The following USH2A variants were observed in gnomAD, a reference collection of about 807,000 sequenced individuals.
USH2A encodes usherin, also known as Usher syndrome 2A (autosomal recessive, mild).
USH2A carries 443 observed loss-of-function variants against 538.9 expected under a neutral mutation model. The ratio of observed to expected loss-of-function variants is 0.82; its 90% CI spans 0.76 to 0.89. USH2A has a LOEUF of 0.89. USH2A is among the 40% of genes least tolerant of loss of function. USH2A has a pLI of 0.00. For missense variants in USH2A, 6,633 were observed against 6,324.8 expected (o/e 1.05, Z -1.65); for synonymous variants, 2,413 against 2,273.5 (o/e 1.06, Z -1.75).
intron 61 of USH2A, among the ~76,000 whole-genome samples, chr1:215,692,794 AGTGAAG>A: frequency 6.6e-6 from 1 of 152,250 alleles, no homozygotes; most frequent in South Asian, 2.1e-4. Flanking sequence ...GGACCTTCTA[AGTGAAG>A]GGTGCAGCAA....
chr1:215,913,803 G>T (rs865810793), intron 38 of USH2A, among the ~76,000 whole-genome samples: 3 of 151,730 alleles, frequency 2.0e-5, no homozygotes, highest in Non-Finnish European at 2.9e-5. Flanking sequence ...AGTATTTCTG[G>T]CTACTTGATT....
chr1:216,370,600 C>G lies in USH2A; in HGVS notation c.652-5515G>C, dbSNP rs1291966677. ...GAGGCTGAAGCAGAGAGTTGCTAAA[C>G]CCGGGAGGCGGAGGTTGTGGTGAGC... On this transcript the variant is annotated intron_variant, in intron 3 of 71. Coordinates refer to ENST00000307340, the MANE Select transcript of USH2A (RefSeq NM_206933.4). Among the ~76,000 whole-genome samples the G allele has an allele frequency of 3.7e-5, 5 of 133,674 alleles. No individual in the cohort carries two copies. The South Asian group carries it at 7.6e-4, about 20-fold the overall frequency. 87.7% of individuals were successfully genotyped at this position (133,674 alleles called of 152,430 possible). A position where few individuals can be genotyped will look rare whatever the true frequency, so the allele number is the denominator to read the frequency against.
intron 37 of USH2A, among the ~76,000 whole-genome samples, chr1:215,946,432 G>A (rs1666758392): frequency 6.6e-6 from 1 of 152,120 alleles, no homozygotes; most frequent in Non-Finnish European, 1.5e-5. Context: ...TTTGCCTTAA[G>A]AAAATTGGAG....
At chr1:215,937,571 G>T (rs754373786) in intron 37 of USH2A, among the ~76,000 whole-genome samples, 2 of 152,024 alleles carry the variant, frequency 1.3e-5, no homozygotes, top group Non-Finnish European at 2.9e-5. Context: ...CAATTACATG[G>T]TCAGCATGGG....
At chr1:215,662,761 G>A (rs1657482953) in intron 64 of USH2A, among the ~76,000 whole-genome samples, 1 of 152,184 alleles carries the variant, frequency 6.6e-6, no homozygotes, top group Admixed American at 6.5e-5. Context: ...GGGAGTTGGG[G>A]TGGGTGTGGG....
At chr1:216,062,447 T>C (rs2031216807) in intron 30 of USH2A, among the ~76,000 whole-genome samples, 1 of 152,060 alleles carries the variant, frequency 6.6e-6, no homozygotes, top group Non-Finnish European at 1.5e-5. Flanking sequence ...AAAATGGAAA[T>C]AAAAACAATT....
At chr1:215,644,631 A>G (rs1656790014) in intron 67 of USH2A, among the ~76,000 whole-genome samples, 1 of 152,190 alleles carries the variant, frequency 6.6e-6, no homozygotes, top group South Asian at 2.1e-4. Context: ...AAAGGATTGA[A>G]CATTGAAAGT....
intron 21 of USH2A, among the ~76,000 whole-genome samples, chr1:216,124,728 C>T (rs372438518): frequency 7.5e-4 from 114 of 152,300 alleles, no homozygotes; most frequent in African/African-American, 2.4e-3. Context: ...GTAAGAAATA[C>T]ACCACATCTC....
chr1:216,154,390 G>A (rs2033899257), intron 21 of USH2A, among the ~76,000 whole-genome samples: 1 of 151,994 alleles, frequency 6.6e-6, no homozygotes, highest in African/African-American at 2.4e-5. Context: ...AAAGAGCTCA[G>A]AATTTAAATG....
At chr1:216,334,423 C>T (rs1275772981) in intron 4 of USH2A, among the ~76,000 whole-genome samples, 1 of 151,858 alleles carries the variant, frequency 6.6e-6, no homozygotes, top group Non-Finnish European at 1.5e-5. Context: ...ATTTAGAAGA[C>T]ATAAATCATA....
At chr1:215,675,683 C>T in intron 62 of USH2A, 67 bp from the exon 63 acceptor site, 1 of 1,611,272 alleles carries the variant, frequency 6.2e-7, no homozygotes, top group Non-Finnish European at 8.5e-7. Flanking sequence ...TTACTTAGCC[C>T]CTTTTTAACC....
At chr1:215,926,005 G>A (rs961290799) in intron 38 of USH2A, among the ~76,000 whole-genome samples, 2 of 152,080 alleles carry the variant, frequency 1.3e-5, no homozygotes, top group East Asian at 1.9e-4. Context: ...GTGACAGAGC[G>A]AGACTCCGTC....
At chr1:215,647,060 T>C (rs1656877950) in intron 67 of USH2A, among the ~76,000 whole-genome samples, 1 of 152,220 alleles carries the variant, frequency 6.6e-6, no homozygotes, top group Non-Finnish European at 1.5e-5. Context: ...CTGTATTATA[T>C]AAAAATGTAA....
At position 215,912,515 on chromosome 1, in the gene USH2A, G is replaced by GTATATA. The variant is rs1279309340; in HGVS notation, c.7301-11616_7301-11611dup. On this transcript the variant is annotated intron_variant, in intron 38 of 71. Transcript: ENST00000307340. ...TGTGTATATATATATATATATACGT[G>GTATATA]TATATATATATATATATATATGAAG... 6.9e-4 allele frequency among the ~76,000 whole-genome samples: 14 copies of GTATATA among 20,318 alleles called. No individual in the cohort carries two copies. The East Asian group carries it at 0.014, about 20-fold the overall frequency. The allele number at this position is 20,318 out of a possible 152,430, so 13.3% of individuals were successfully genotyped here.
chr1:215,682,223 C>T (rs1287459110), intron 61 of USH2A, among the ~76,000 whole-genome samples: 1 of 152,142 alleles, frequency 6.6e-6, no homozygotes, highest in Admixed American at 6.6e-5. Flanking sequence ...AAAGCATACG[C>T]TCCAAAGCAA....
intron 14 of USH2A, among the ~76,000 whole-genome samples, chr1:216,223,594 C>A (rs1018304251): frequency 4.6e-5 from 7 of 152,184 alleles, no homozygotes; most frequent in Non-Finnish European, 8.8e-5. Flanking sequence ...CTTCTGCTTT[C>A]TTTCTTGGAA....
chr1:216,339,313 A>G lies in USH2A; in HGVS notation c.785-11659T>C, dbSNP rs138442200. ...GAGCACTTACATAAATACTAACAAC[A>G]TAAAGATAACAGCATGTGTTATATT... On this transcript the variant is annotated intron_variant, in intron 4 of 71. Coordinates refer to ENST00000307340, the MANE Select transcript of USH2A (RefSeq NM_206933.4). Among the ~76,000 whole-genome samples the G allele has an allele frequency of 4.7e-3, 714 of 151,802 alleles. 7 individuals are homozygous for G. Among genetic ancestry groups the G allele is most frequent in the African/African-American group, 0.016 (680 of 41,532 alleles).
chr1:216,358,769 T>G (rs1328092232), intron 4 of USH2A, among the ~76,000 whole-genome samples: 3 of 152,204 alleles, frequency 2.0e-5, no homozygotes, highest in African/African-American at 7.2e-5. Flanking sequence ...AAATAATATT[T>G]GAAATAAACC....
chr1:215,958,744 C>G (rs889666290), intron 37 of USH2A, among the ~76,000 whole-genome samples: 3 of 152,070 alleles, frequency 2.0e-5, no homozygotes, highest in African/African-American at 7.2e-5. Flanking sequence ...AACCAAATCT[C>G]CCATGCCTCA....
Sources: allele counts gnomAD v4.1 joint callset (sites outside exome capture counted in the v4.1 genomes callset), GRCh38; gene constraint gnomAD v4.1.1; transcripts MANE v1.5; gene names NCBI Gene and HGNC (gene_info 2026-07-23, HGNC 2026-07-21).